Variants in TMEM117 observed in about 807,000 individuals in gnomAD.
The protein encoded by TMEM117 is transmembrane protein 117.
A neutral mutation model predicts 52.4 loss-of-function variants in TMEM117; 27 were observed. The ratio of observed to expected loss-of-function variants is 0.51; its 90% CI spans 0.38 to 0.71. The LOEUF is 0.71. TMEM117 is among the 30% of genes least tolerant of loss of function. TMEM117 has a pLI of 0.00. For missense variants in TMEM117, 556 were observed against 630.5 expected (o/e 0.88, Z 1.26); for synonymous variants, 215 against 206.3 (o/e 1.04, Z -0.36).
At chr12:44,226,317 G>T (rs1416623314) in intron 5 of TMEM117, among the ~76,000 whole-genome samples, 11 of 152,028 alleles carry the variant, frequency 7.2e-5, no homozygotes, top group Non-Finnish European at 1.5e-5. Context: ...GGATCACTGG[G>T]GCAGAGATAA....
At chr12:44,012,877 T>C (rs1490463154) in intron 3 of TMEM117, among the ~76,000 whole-genome samples, 3 of 152,200 alleles carry the variant, frequency 2.0e-5, no homozygotes, top group African/African-American at 7.2e-5. Flanking sequence ...TTGTAATTTC[T>C]TGTTGAAAGG....
the TMEM117 span, among the ~76,000 whole-genome samples, chr12:43,816,821 T>C: frequency 6.6e-6 from 1 of 152,222 alleles, no homozygotes; most frequent in African/African-American, 2.4e-5. Flanking sequence ...AGACCCAAAC[T>C]ATAATATGAT....
chr12:43,840,040 G>T (rs763527198), intron 1 of TMEM117, among the ~76,000 whole-genome samples: 4 of 151,486 alleles, frequency 2.6e-5, no homozygotes, highest in Non-Finnish European at 4.4e-5. Context: ...AGCCCCAGGC[G>T]GTTTCCTTTG....
chr12:44,091,817 T>C (rs1947677106), intron 3 of TMEM117, among the ~76,000 whole-genome samples: 1 of 152,250 alleles, frequency 6.6e-6, no homozygotes, highest in Admixed American at 6.5e-5. Flanking sequence ...TTTCTAGTTG[T>C]TTCTTTTTTC....
the TMEM117 span, among the ~76,000 whole-genome samples, chr12:43,812,001 T>C: frequency 6.6e-6 from 1 of 152,186 alleles, no homozygotes; most frequent in Non-Finnish European, 1.5e-5. Context: ...GATACATATA[T>C]CTTCTGAATT....
chr12:44,115,265 A>C (rs1948119961), intron 3 of TMEM117, among the ~76,000 whole-genome samples: 1 of 152,192 alleles, frequency 6.6e-6, no homozygotes, highest in Non-Finnish European at 1.5e-5. Context: ...CAATGAGAAC[A>C]CTTGGACACA....
At chr12:43,806,384 T>C in the TMEM117 span, 1 of 1,204,980 alleles carries the variant, frequency 8.3e-7, no homozygotes, top group Non-Finnish European at 1.0e-6. Flanking sequence ...CCCGTGAGGT[T>C]GACTGAGTGC....
At chr12:44,246,888 G>A (rs74695697) in intron 5 of TMEM117, among the ~76,000 whole-genome samples, 1 of 152,126 alleles carries the variant, frequency 6.6e-6, no homozygotes, top group Non-Finnish European at 1.5e-5. Context: ...GATGCTTGAT[G>A]GTCTAAAAAC....
At chr12:43,888,126 T>G (rs1471019582) in intron 2 of TMEM117, among the ~76,000 whole-genome samples, 1 of 152,154 alleles carries the variant, frequency 6.6e-6, no homozygotes, top group African/African-American at 2.4e-5. Context: ...TTACTAGATG[T>G]GTAACCTTAA....
chr12:44,193,590 C>G lies in TMEM117; in HGVS notation c.511-17700C>G, dbSNP rs536891871. On this transcript the variant is annotated intron_variant, in intron 4 of 7. Transcript: ENST00000266534. Reference sequence around the variant, plus strand: ...GCCAGGAACCTTGAATAGCTACACTCTCACTGAAAAAGCAAAAAACTACCT... The same window carrying G: ...GCCAGGAACCTTGAATAGCTACACTGTCACTGAAAAAGCAAAAAACTACCT... 2.0e-4 allele frequency among the ~76,000 whole-genome samples: 30 copies of G among 150,264 alleles called. 1 individual carries two copies. The highest frequency in any genetic ancestry group is 7.2e-4 in the African/African-American group (29 of 40,444).
rs1201721093 is a variant in TMEM117, at chr12:44,097,078, G to A, written c.411-46447G>A. On this transcript the variant is annotated intron_variant, in intron 3 of 7. Transcript: ENST00000266534. ...AGCATATGAACAGACACTTCTCAAA[G>A]GAAGACATTTATGCAGCCAAAAAAC... 1.4e-4 allele frequency among the ~76,000 whole-genome samples: 21 copies of A among 152,170 alleles called. No individual in the cohort carries two copies. The East Asian group carries it at 1.9e-3, about 14-fold the overall frequency.
At chr12:44,312,764 C>T (rs943455636) in intron 6 of TMEM117, among the ~76,000 whole-genome samples, 1 of 152,148 alleles carries the variant, frequency 6.6e-6, no homozygotes, top group South Asian at 2.1e-4. Flanking sequence ...TCTGCAGCCT[C>T]ATCAGCATCT....
At chr12:44,035,947 G>A (rs914329845) in intron 3 of TMEM117, among the ~76,000 whole-genome samples, 4 of 152,170 alleles carry the variant, frequency 2.6e-5, no homozygotes, top group African/African-American at 9.7e-5. Flanking sequence ...GAAAGATATG[G>A]CAGGTGTTTT....
intron 2 of TMEM117, among the ~76,000 whole-genome samples, chr12:43,881,635 C>CAA (rs1382017760): frequency 6.6e-6 from 1 of 151,800 alleles, no homozygotes; most frequent in Non-Finnish European, 1.5e-5. Flanking sequence ...ACTAAATCTA[C>CAA]AAAATTATCC....
At chr12:44,188,613 A>G (rs956930142) in intron 4 of TMEM117, among the ~76,000 whole-genome samples, 3 of 152,048 alleles carry the variant, frequency 2.0e-5, no homozygotes, top group East Asian at 1.9e-4. Flanking sequence ...TTTGTATATA[A>G]TATCTCCCAC....
chr12:44,252,125 G>A (rs907061371), intron 5 of TMEM117, among the ~76,000 whole-genome samples: 8 of 152,040 alleles, frequency 5.3e-5, no homozygotes, highest in Non-Finnish European at 1.0e-4. Flanking sequence ...TGCATGCTTC[G>A]TCTCTGGTGA....
intron 4 of TMEM117, among the ~76,000 whole-genome samples, chr12:44,206,346 A>G (rs1949566498): frequency 1.3e-5 from 2 of 152,146 alleles, no homozygotes; most frequent in Admixed American, 6.6e-5. Context: ...GTAAACCAAC[A>G]ACCTCCAGCG....
At chr12:44,098,942 G>C (rs780839748) in intron 3 of TMEM117, among the ~76,000 whole-genome samples, 20 of 152,018 alleles carry the variant, frequency 1.3e-4, no homozygotes, top group African/African-American at 4.8e-4. Flanking sequence ...CTTGCCTCAG[G>C]TATGGCTGGC....
intron 5 of TMEM117, among the ~76,000 whole-genome samples, chr12:44,270,768 T>C (rs1950436326): frequency 6.6e-6 from 1 of 152,166 alleles, no homozygotes; most frequent in South Asian, 2.1e-4. Flanking sequence ...AAACAACTTT[T>C]ATTACATTAA....
Sources: allele counts gnomAD v4.1 joint callset (sites outside exome capture counted in the v4.1 genomes callset), GRCh38; gene constraint gnomAD v4.1.1; transcripts MANE v1.5; gene names NCBI Gene and HGNC (gene_info 2026-07-23, HGNC 2026-07-21).